The following LARGE1 variants were observed in gnomAD, a reference collection of about 807,000 sequenced individuals.
LARGE1 encodes the protein LARGE xylosyl- and glucuronyltransferase 1.
In LARGE1, 43 loss-of-function variants were observed where a neutral mutation model predicts 87.6. That is an observed-to-expected ratio of 0.49 (90% CI 0.38 to 0.63). LARGE1 has a LOEUF of 0.63. LARGE1 is among the 30% of genes least tolerant of loss of function. LARGE1 has a pLI of 0.00. For missense variants in LARGE1, 802 were observed against 1,000.2 expected (o/e 0.80, Z 2.67); for synonymous variants, 434 against 394.6 (o/e 1.10, Z -1.18).
intron 11 of LARGE1, among the ~76,000 whole-genome samples, chr22:33,250,719 T>C (rs1926975275): frequency 6.6e-6 from 1 of 152,222 alleles, no homozygotes; most frequent in Non-Finnish European, 1.5e-5. Flanking sequence ...GATTGACTTT[T>C]GGATTCTGTC....
chr22:33,108,340 G>A, the LARGE1 span, among the ~76,000 whole-genome samples: 10 of 152,308 alleles, frequency 6.6e-5, no homozygotes, highest in Admixed American at 3.9e-4. Context: ...AGACAGACAC[G>A]TGCAACTGAA....
chr22:33,893,186 A>G (rs1181435611), intron 1 of LARGE1, among the ~76,000 whole-genome samples: 1 of 152,194 alleles, frequency 6.6e-6, no homozygotes, highest in East Asian at 1.9e-4. Context: ...TTACAAAGTA[A>G]CCGCTAAAGA....
At chr22:33,252,338 CTTACTCTAG>C (rs1408110500) in intron 11 of LARGE1, among the ~76,000 whole-genome samples, 1 of 143,514 alleles carries the variant, frequency 7.0e-6, no homozygotes, top group African/African-American at 2.6e-5. Context: ...CAATATTTAC[CTTACTCTAG>C]TCTTCCAGCC....
intron 1 of LARGE1, among the ~76,000 whole-genome samples, chr22:33,905,438 C>T (rs1213390338): frequency 6.6e-6 from 1 of 152,108 alleles, no homozygotes; most frequent in Non-Finnish European, 1.5e-5. Context: ...AGTTTTCATC[C>T]TCAACTACAC....
intron 9 of LARGE1, among the ~76,000 whole-genome samples, chr22:33,364,353 G>C (rs1452993296): frequency 6.6e-6 from 1 of 152,220 alleles, no homozygotes. Context: ...CACTGTGTCC[G>C]GCCTATTTTC....
intron 4 of LARGE1, among the ~76,000 whole-genome samples, chr22:33,617,751 C>T (rs981352259): frequency 6.6e-6 from 1 of 152,166 alleles, no homozygotes; most frequent in Non-Finnish European, 1.5e-5. Context: ...GACCACAATT[C>T]TACACCAAAG....
intron 2 of LARGE1, chr22:33,704,908 T>C (rs368990021): frequency 1.3e-5 from 2 of 152,216 alleles, no homozygotes; most frequent in African/African-American, 4.8e-5. Context: ...ACGCAGAGGC[T>C]CTAAAGCAGT....
downstream of LARGE1, among the ~76,000 whole-genome samples, chr22:33,158,416 T>C (rs1921930479): frequency 6.6e-6 from 1 of 152,142 alleles, no homozygotes; most frequent in South Asian, 2.1e-4. Flanking sequence ...ACAACTTCAC[T>C]CTAGTTAGAA....
At chr22:33,442,346 TTA>T (rs550776212) in intron 6 of LARGE1, among the ~76,000 whole-genome samples, 1 of 152,206 alleles carries the variant, frequency 6.6e-6, no homozygotes, top group Non-Finnish European at 1.5e-5. Flanking sequence ...CTTCTGAATT[TTA>T]TCTTTACAAA....
intron 6 of LARGE1, among the ~76,000 whole-genome samples, chr22:33,480,890 C>T (rs143727026): frequency 1.1e-4 from 16 of 152,094 alleles, no homozygotes; most frequent in Middle Eastern, 3.4e-3. Context: ...TTCCTCATGT[C>T]GACACTCCAC....
In LARGE1 at chr22:33,604,666, G is replaced by A. The variant is rs995103092; in HGVS notation, c.492-108C>T. On this transcript the variant is annotated intron_variant, in intron 4 of 14. Transcript: ENST00000397394. Reference sequence around the variant, plus strand: ...TCCTACGGTGGGGCACGTTTCTAACGGCAATTGTGAAAGTAAATCTGGAAT... The same window carrying A: ...TCCTACGGTGGGGCACGTTTCTAACAGCAATTGTGAAAGTAAATCTGGAAT... 103 of 1,402,674 alleles carry A rather than the reference G, an allele frequency of 7.3e-5. No homozygotes were observed. The African/African-American group carries it at 1.1e-3, about 15-fold the overall frequency. 86.9% of individuals were successfully genotyped at this position (1,402,674 alleles called of 1,614,324 possible).
chr22:33,245,105 T>C (rs776085088), intron 11 of LARGE1, among the ~76,000 whole-genome samples: 2 of 152,244 alleles, frequency 1.3e-5, no homozygotes, highest in Non-Finnish European at 2.9e-5. Context: ...GTCAATGCCA[T>C]CTTTTCTCAT....
chr22:33,559,337 A>G (rs903587094), intron 6 of LARGE1, among the ~76,000 whole-genome samples: 2 of 152,164 alleles, frequency 1.3e-5, no homozygotes, highest in Non-Finnish European at 2.9e-5. Context: ...ACACACCACC[A>G]CGCCCAGCTA....
intron 6 of LARGE1, among the ~76,000 whole-genome samples, chr22:33,523,353 G>C (rs892789428): frequency 6.6e-6 from 1 of 151,742 alleles, no homozygotes; most frequent in Non-Finnish European, 1.5e-5. Flanking sequence ...TTATTTTTGC[G>C]AGGCAGAAGT....
chr22:33,595,872 G>C (rs1044080279), intron 5 of LARGE1, among the ~76,000 whole-genome samples: 1 of 152,162 alleles, frequency 6.6e-6, no homozygotes, highest in Non-Finnish European at 1.5e-5. Flanking sequence ...TGGTACACAG[G>C]CTTGCACCTG....
chr22:33,778,624 T>C (rs2085322489), intron 1 of LARGE1, among the ~76,000 whole-genome samples: 1 of 152,186 alleles, frequency 6.6e-6, no homozygotes, highest in African/African-American at 2.4e-5. Context: ...ACCCAAGGTT[T>C]ATCCATGTTG....
chr22:33,321,865 T>C (rs1466809938), intron 10 of LARGE1, among the ~76,000 whole-genome samples: 3 of 152,146 alleles, frequency 2.0e-5, no homozygotes, highest in African/African-American at 7.2e-5. Flanking sequence ...GTCGCCCAGG[T>C]TGGAGTACAG....
intron 6 of LARGE1, among the ~76,000 whole-genome samples, chr22:33,519,003 A>T (rs1437925977): frequency 6.6e-6 from 1 of 152,144 alleles, no homozygotes; most frequent in Non-Finnish European, 1.5e-5. Flanking sequence ...GTTGGAACTT[A>T]CCTAAAACAA....
intron 1 of LARGE1, among the ~76,000 whole-genome samples, chr22:33,897,598 T>A (rs2065178470): frequency 6.6e-6 from 1 of 152,144 alleles, no homozygotes; most frequent in Non-Finnish European, 1.5e-5. Context: ...AGAGGGGGAA[T>A]GCCAATGAAG....
Sources: allele counts gnomAD v4.1 joint callset (sites outside exome capture counted in the v4.1 genomes callset), GRCh38; gene constraint gnomAD v4.1.1; transcripts MANE v1.5; gene names NCBI Gene and HGNC (gene_info 2026-07-23, HGNC 2026-07-21).